The following ANKRD26 variants were observed in gnomAD, a reference collection of about 807,000 sequenced individuals.
ANKRD26 encodes the protein ankyrin repeat domain-containing protein 26.
ANKRD26 carries 141 observed loss-of-function variants against 208.7 expected under a neutral mutation model. The ratio of observed to expected loss-of-function variants is 0.68; its 90% confidence interval spans 0.59 to 0.78. ANKRD26 has a LOEUF of 0.78. Among genes scored for constraint, ANKRD26 ranks in the 30% least tolerant of loss-of-function variants. The pLI is 0.00. For missense variants in ANKRD26, 1,889 were observed against 1,938.7 expected, an observed-to-expected ratio of 0.97 and a Z score of 0.48; for synonymous variants, 636 against 660.4, an observed-to-expected ratio of 0.96 and a Z score of 0.57.
intron 4 of ANKRD26, among the ~76,000 whole-genome samples, chr10:27,087,758 C>A (rs960679865): frequency 2.6e-5 from 4 of 152,148 alleles, no homozygotes; most frequent in Non-Finnish European, 4.4e-5. Context: ...TCTTCATGTT[C>A]ATCATTCCAA....
chr10:27,095,154 AT>A (rs1387295941), intron 1 of ANKRD26, among the ~76,000 whole-genome samples: 8 of 152,224 alleles, frequency 5.3e-5, no homozygotes, highest in Non-Finnish European at 8.8e-5. Context: ...TGAAAAACAG[AT>A]TTTTAAAACA....
intron 5 of ANKRD26, among the ~76,000 whole-genome samples, chr10:26,994,269 T>C (rs568894026): frequency 3.9e-5 from 6 of 152,154 alleles, no homozygotes; most frequent in Non-Finnish European, 7.3e-5. Context: ...ATAGAAGGGC[T>C]TCCCTGGCTT....
At chr10:26,951,023 T>TC in the ANKRD26 span, among the ~76,000 whole-genome samples, 11 of 66,968 alleles carry the variant, frequency 1.6e-4, no homozygotes, top group South Asian at 3.5e-4. Flanking sequence ...CTTTTTCTTT[T>TC]TTTTTTTTTT....
chr10:26,959,234 C>G, the ANKRD26 span, among the ~76,000 whole-genome samples: 1 of 150,098 alleles, frequency 6.7e-6, no homozygotes, highest in African/African-American at 2.5e-5. Flanking sequence ...GCCGAGGTCA[C>G]GCCACTGCTC....
At position 27,053,403 on chromosome 10, in the gene ANKRD26, A is replaced by C. The variant is rs2054731250; in HGVS notation, c.1565-13T>G. On this transcript the variant is annotated splice_polypyrimidine_tract_variant and intron_variant, in intron 15 of 33. Transcript: ENST00000376087. ...AAGTCATGTTCAGCTGAAAAAATCC[A>C]AATATTTAGTTTAATGAACTACTTA... 6.3e-7 allele frequency: 1 copy of C among 1,595,838 alleles called. No homozygotes were observed. Among genetic ancestry groups the C allele is most frequent in the Non-Finnish European group, 8.6e-7 (1 of 1,165,582 alleles).
At chr10:27,038,732 T>C (rs1332687714) in intron 21 of ANKRD26, among the ~76,000 whole-genome samples, 1 of 152,146 alleles carries the variant, frequency 6.6e-6, no homozygotes, top group Non-Finnish European at 1.5e-5. Context: ...AAAAAGAAGT[T>C]AGTTTACTAA....
At chr10:27,041,017 C>T (rs1283116595) in intron 20 of ANKRD26, among the ~76,000 whole-genome samples, 5 of 146,810 alleles carry the variant, frequency 3.4e-5, no homozygotes, top group African/African-American at 1.3e-4. Context: ...GGCAACAGAG[C>T]GAGACTCTGC....
At chr10:27,061,533 A>G (rs2055055297) in intron 12 of ANKRD26, among the ~76,000 whole-genome samples, 1 of 150,112 alleles carries the variant, frequency 6.7e-6, no homozygotes, top group Admixed American at 6.7e-5. Context: ...AATTAAACTC[A>G]TTTGATTAAT....
downstream of ANKRD26, among the ~76,000 whole-genome samples, chr10:27,002,411 C>T (rs574022063): frequency 1.4e-4 from 21 of 152,336 alleles, no homozygotes; most frequent in East Asian, 2.5e-3. Context: ...GCGTGGGTTT[C>T]CTCCAGGTAT....
chr10:27,059,192 G>T (rs944763466), intron 15 of ANKRD26, among the ~76,000 whole-genome samples: 1 of 152,184 alleles, frequency 6.6e-6, no homozygotes. Flanking sequence ...GGGCTAACAG[G>T]TGTGAGCCAC....
At chr10:27,090,457 G>T (rs150305854) in intron 4 of ANKRD26, among the ~76,000 whole-genome samples, 27 of 152,280 alleles carry the variant, frequency 1.8e-4, no homozygotes, top group Admixed American at 4.6e-4. Context: ...ATAAGGTTAT[G>T]TGCACAGATA....
chr10:27,069,460 A>G lies in ANKRD26; in HGVS notation c.1078-2174T>C, dbSNP rs1018397834. 2.0e-5 allele frequency among the ~76,000 whole-genome samples: 3 copies of G among 152,090 alleles called. No individual in the cohort carries two copies. In the East Asian group the frequency reaches 5.8e-4, roughly 29 times the overall value. ...TATTAATATAAAATTTGAGGCACCC[A>G]GGGAACTTAGGTTTTTGGTGGTTTT... On this transcript the variant is annotated intron_variant, in intron 9 of 33. Coordinates refer to ENST00000376087, the MANE Select transcript of ANKRD26 (RefSeq NM_014915.3).
the ANKRD26 span, among the ~76,000 whole-genome samples, chr10:26,963,913 T>G: frequency 7.3e-6 from 1 of 136,894 alleles, no homozygotes; most frequent in East Asian, 2.2e-4. Context: ...GTTTTTTTTT[T>G]TTTTTTTTTT....
intron 6 of ANKRD26, among the ~76,000 whole-genome samples, chr10:27,081,838 A>C (rs58160610): frequency 0.029 from 4,406 of 152,036 alleles, 90 homozygotes; most frequent in African/African-American, 0.064. Context: ...CCCGGGTTCA[A>C]GCCATTCTCC....
intron 9 of ANKRD26, among the ~76,000 whole-genome samples, chr10:27,073,279 C>G (rs1355680059): frequency 1.3e-5 from 2 of 152,174 alleles, no homozygotes; most frequent in South Asian, 2.1e-4. Context: ...CTCTTGCCCA[C>G]CACTGCAGAC....
Position 27,029,889 on chromosome 10 carries a change from G to A in ANKRD26, c.3808-533C>T, listed in dbSNP as rs2053807714. ...CACAGAAGCGGGAATGGCCGGGTGG[G>A]AATCCCAGCTCCACCAGTTACCAGC... On this transcript the variant is annotated intron_variant, in intron 25 of 33. Coordinates refer to ENST00000376087, the MANE Select transcript of ANKRD26 (RefSeq NM_014915.3). 2.6e-5 allele frequency among the ~76,000 whole-genome samples: 4 copies of A among 152,142 alleles called. No homozygotes were observed. The South Asian group carries it at 6.2e-4, about 24-fold the overall frequency.
At chr10:27,052,012 C>T in intron 16 of ANKRD26, 1 of 985,350 alleles carries the variant, frequency 1.0e-6, no homozygotes, top group Non-Finnish European at 1.2e-6. Flanking sequence ...GATACATCCT[C>T]TCTATCACAC....
At chr10:27,093,892 A>T in intron 1 of ANKRD26, 93 bp from the exon 2 acceptor site, 4 of 1,074,812 alleles carry the variant, frequency 3.7e-6, no homozygotes, top group Non-Finnish European at 5.6e-6. Flanking sequence ...TAGCATGTTG[A>T]TATGGTTTGG....
intron 4 of ANKRD26, among the ~76,000 whole-genome samples, chr10:26,982,416 C>T (rs921807661): frequency 6.6e-6 from 1 of 151,984 alleles, no homozygotes; most frequent in Non-Finnish European, 1.5e-5. Flanking sequence ...CATATTCCCC[C>T]AGCTTCCTTT....
Sources: allele counts gnomAD v4.1 joint callset (sites outside exome capture counted in the v4.1 genomes callset), GRCh38; gene constraint gnomAD v4.1.1; transcripts MANE v1.5; gene names NCBI Gene and HGNC (gene_info 2026-07-23, HGNC 2026-07-21).